The following CRYBG1 variants were observed in gnomAD, a reference collection of about 807,000 sequenced individuals.
CRYBG1 encodes crystallin beta-gamma domain containing 1.
In CRYBG1, 139 loss-of-function variants were observed where a neutral mutation model predicts 189.2. The ratio of observed to expected loss-of-function variants is 0.73; its 90% CI spans 0.64 to 0.85. The LOEUF (loss-of-function observed/expected upper bound fraction) is 0.85. Among genes scored for constraint, CRYBG1 ranks in the 40% least tolerant of loss-of-function variants. CRYBG1 has a pLI of 0.00. For synonymous variants in CRYBG1, 1,023 were observed against 1,017.1 expected, an observed-to-expected ratio of 1.01 and a Z score of -0.11; for missense variants, 2,611 against 2,675.8, an observed-to-expected ratio of 0.98 and a Z score of 0.53.
At chr6:106,517,921 G>A (rs1465399663) in intron 3 of CRYBG1, among the ~76,000 whole-genome samples, 1 of 152,170 alleles carries the variant, frequency 6.6e-6, no homozygotes, top group Non-Finnish European at 1.5e-5. Context: ...TTATACCCAA[G>A]AAATGTGACG....
intron 18 of CRYBG1, among the ~76,000 whole-genome samples, chr6:106,559,690 G>A (rs556881811): frequency 1.3e-5 from 2 of 152,238 alleles, no homozygotes; most frequent in African/African-American, 4.8e-5. Context: ...GGAGGCTGAG[G>A]CAGGAGAATC....
chr6:106,361,093 G>T lies in CRYBG1; in HGVS notation c.173+12G>T. 2.0e-6 allele frequency: 3 copies of T among 1,533,886 alleles called. No homozygotes were observed. The highest frequency in any genetic ancestry group is 2.6e-6 in the Non-Finnish European group (3 of 1,146,060). ...GCCGGAGAGGCCAGGTGAGCTCCTC[G>T]CCCGAGCCCTCCAGTCCCACCTCCT... On this transcript the variant is annotated intron_variant, in intron 1 of 21. Transcript: ENST00000633556.
chr6:106,482,132 G>A (rs78341593), intron 2 of CRYBG1, among the ~76,000 whole-genome samples: 3,547 of 124,602 alleles, frequency 0.028, no homozygotes, highest in East Asian at 0.055. Context: ...GAGGCTTGGG[G>A]TCCTCTTCCA....
At chr6:106,472,734 A>G (rs975588946) in intron 2 of CRYBG1, among the ~76,000 whole-genome samples, 1 of 108,956 alleles carries the variant, frequency 9.2e-6, no homozygotes, top group Admixed American at 1.0e-4. Context: ...ATTTCCACAA[A>G]ATATTAAAAA....
chr6:106,496,559 A>G, intron 2 of CRYBG1, among the ~76,000 whole-genome samples: 1 of 152,266 alleles, frequency 6.6e-6, no homozygotes, highest in African/African-American at 2.4e-5. Context: ...ATGAACCTTC[A>G]AAAATAATTT....
chr6:106,521,465 T>C lies in CRYBG1; in HGVS notation c.4245+12T>C. On this transcript the variant is annotated intron_variant, in intron 4 of 21. Coordinates refer to ENST00000633556, the MANE Select transcript of CRYBG1 (RefSeq NM_001371242.2). Reference sequence around the variant, plus strand: ...TATCAGACACAATGGTAAGTAGCAATGTGTTATTATTTATTTGGGGTATTT... The same window carrying C: ...TATCAGACACAATGGTAAGTAGCAACGTGTTATTATTTATTTGGGGTATTT... The C allele has an allele frequency of 6.5e-7, 1 of 1,546,704 alleles. No homozygotes were observed. Among genetic ancestry groups the C allele is most frequent in the Non-Finnish European group, 8.7e-7 (1 of 1,150,870 alleles).
intron 2 of CRYBG1, among the ~76,000 whole-genome samples, chr6:106,479,406 G>T (rs899958382): frequency 6.6e-6 from 1 of 152,178 alleles, no homozygotes; most frequent in African/African-American, 2.4e-5. Flanking sequence ...CCCACTGGGA[G>T]TTAAGCCTTC....
chr6:106,391,956 TGTGTGTGTGTGTGTGC>T (rs145941947), intron 1 of CRYBG1, among the ~76,000 whole-genome samples: 39,987 of 128,726 alleles, frequency 0.31, 6,274 homozygotes, highest in Middle Eastern at 0.41. Flanking sequence ...TGTGTGTGTG[TGTGTGTGTGTGTGTGC>T]GTGCGCGTTT....
At chr6:106,402,930 A>G (rs541749715) in intron 1 of CRYBG1, among the ~76,000 whole-genome samples, 1 of 152,296 alleles carries the variant, frequency 6.6e-6, no homozygotes, top group South Asian at 2.1e-4. Context: ...ACTGAAATGT[A>G]AGCTCTGTGA....
chr6:106,386,989 T>C (rs1022781504), intron 1 of CRYBG1, among the ~76,000 whole-genome samples: 1 of 152,220 alleles, frequency 6.6e-6, no homozygotes, highest in African/African-American at 2.4e-5. Context: ...TTTCATCTAC[T>C]CTCTTTTCTT....
At chr6:106,393,735 G>A (rs1343154208) in intron 1 of CRYBG1, among the ~76,000 whole-genome samples, 1 of 149,514 alleles carries the variant, frequency 6.7e-6, no homozygotes, top group African/African-American at 2.5e-5. Context: ...GAATGCAGTG[G>A]CACGATCTTG....
chr6:106,397,454 A>G (rs1770633907), intron 1 of CRYBG1, among the ~76,000 whole-genome samples: 1 of 152,220 alleles, frequency 6.6e-6, no homozygotes, highest in Admixed American at 6.5e-5. Flanking sequence ...TTGTTTTAGA[A>G]ATTGCATCAA....
chr6:106,534,613 T>C (rs1462147), intron 8 of CRYBG1, among the ~76,000 whole-genome samples: 50,946 of 152,084 alleles, frequency 0.33, 9,091 homozygotes, highest in East Asian at 0.6. Context: ...TCACTCTAGA[T>C]TAAGCTCTTC....
At chr6:106,392,682 A>C (rs566215213) in intron 1 of CRYBG1, among the ~76,000 whole-genome samples, 3 of 152,358 alleles carry the variant, frequency 2.0e-5, no homozygotes, top group East Asian at 3.9e-4. Flanking sequence ...GGATTATGAC[A>C]ATGAGATCTT....
At chr6:106,362,113 GC>G in intron 1 of CRYBG1, among the ~76,000 whole-genome samples, 1 of 144,068 alleles carries the variant, frequency 6.9e-6, no homozygotes, top group African/African-American at 2.6e-5. Flanking sequence ...GGGACCACAG[GC>G]GCCCGCCACC....
chr6:106,545,090 C>T (rs895646409), intron 13 of CRYBG1, among the ~76,000 whole-genome samples, 157 bp downstream of exon 13: 44 of 152,168 alleles, frequency 2.9e-4, no homozygotes, highest in African/African-American at 1.0e-3. Context: ...ATGATATTTT[C>T]GTTAACTCTC....
At chr6:106,363,272 A>G (rs1771916942) in intron 1 of CRYBG1, among the ~76,000 whole-genome samples, 1 of 150,986 alleles carries the variant, frequency 6.6e-6, no homozygotes, top group South Asian at 2.1e-4. Context: ...AAAAAATTAA[A>G]ATAGGAGATT....
intron 1 of CRYBG1, among the ~76,000 whole-genome samples, chr6:106,447,475 G>A (rs1771684365): frequency 6.6e-6 from 1 of 151,490 alleles, no homozygotes; most frequent in South Asian, 2.1e-4. Flanking sequence ...ATAAATGCTT[G>A]AGGGGATGGA....
chr6:106,430,052 G>A (rs372233698), intron 1 of CRYBG1, among the ~76,000 whole-genome samples: 1 of 151,872 alleles, frequency 6.6e-6, no homozygotes, highest in Admixed American at 6.6e-5. Flanking sequence ...TAGATTTCAG[G>A]TTTCTCCTAA....
Sources: gnomAD v4.1 joint callset for allele counts (sites outside exome capture counted in the v4.1 genomes callset) on GRCh38, gnomAD v4.1.1 for gene constraint, MANE v1.5 for transcripts, NCBI Gene and HGNC (gene_info 2026-07-23, HGNC 2026-07-21) for gene names.